The following PLS3 variants were observed in gnomAD, a reference collection of about 807,000 sequenced individuals.
The protein encoded by PLS3 is plastin-3.
PLS3 carries 11 observed loss-of-function variants against 46.5 expected under a neutral mutation model. The observed-to-expected ratio is 0.24, with a 90% confidence interval of 0.15 to 0.39. The LOEUF is 0.39. Among genes scored for constraint, PLS3 ranks in the 10% least tolerant of loss-of-function variants. The probability of loss-of-function intolerance (pLI) is 1.00; values close to 1 mark genes in which losing one functional copy is unlikely to be tolerated. For synonymous variants in PLS3, 167 were observed against 162.2 expected (o/e 1.03, Z -0.22); for missense variants, 308 against 461.8 (o/e 0.67, Z 3.05).
intron 2 of PLS3, chrX:115,610,653 C>T: frequency 3.3e-6 from 1 of 303,409 alleles, no homozygotes. Context: ...TATTTTGTAT[C>T]TCATATCTTT....
intron 1 of PLS3, among the ~76,000 whole-genome samples, chrX:115,579,687 C>T (rs1351285290): frequency 9.0e-6 from 1 of 111,637 alleles, no homozygotes; most frequent in African/African-American, 3.3e-5. Context: ...CACTTATTTC[C>T]CATCTGTTTG....
intron 1 of PLS3, among the ~76,000 whole-genome samples, chrX:115,609,721 CAT>C (rs782221805): frequency 2.2e-4 from 25 of 112,450 alleles, no homozygotes; most frequent in Non-Finnish European, 4.1e-4. Flanking sequence ...TATTAGCACA[CAT>C]GTGCATTTTT....
intron 4 of PLS3, 23 bp downstream of exon 4, chrX:115,629,350 G>A: frequency 8.5e-7 from 1 of 1,171,590 alleles, no homozygotes; most frequent in South Asian, 1.9e-5. Flanking sequence ...TATGCAATAG[G>A]TTAACACAAT....
intron 1 of PLS3, among the ~76,000 whole-genome samples, chrX:115,580,219 AG>A (rs2074272605): frequency 8.9e-6 from 1 of 112,256 alleles, no homozygotes; most frequent in Admixed American, 9.5e-5. Flanking sequence ...CCACTTTATC[AG>A]TATTTCCTTT....
rs1556639939 is a variant in PLS3 at position 115,634,869 on chromosome X, G to A, written c.583-12G>A. ...GGTCAAGAAGCAAGTGTGTAATTTG[G>A]CTGTCTTGCAGGAAAACTTGAACTT... On this transcript the variant is annotated splice_polypyrimidine_tract_variant and intron_variant, in intron 6 of 15. Coordinates refer to ENST00000355899, the MANE Select transcript of PLS3 (RefSeq NM_005032.7). 1 of 1,196,928 alleles carries A rather than the reference G, an allele frequency of 8.4e-7. No homozygotes were observed. The highest frequency in any genetic ancestry group is 1.1e-6 in the Non-Finnish European group (1 of 887,186).
At chrX:115,612,192 A>C (rs1246244531) in intron 2 of PLS3, among the ~76,000 whole-genome samples, 1 of 111,603 alleles carries the variant, frequency 9.0e-6, no homozygotes, top group Non-Finnish European at 1.9e-5. Context: ...GTCATTATCA[A>C]CCATACATTC....
chrX:115,606,509 G>T (rs782688401), intron 1 of PLS3, among the ~76,000 whole-genome samples: 1 of 110,813 alleles, frequency 9.0e-6, no homozygotes, highest in East Asian at 2.8e-4. Flanking sequence ...TGTTTTAGTT[G>T]TTTTTTACCC....
intron 1 of PLS3, among the ~76,000 whole-genome samples, chrX:115,590,058 G>A (rs113011120): frequency 4.5e-5 from 5 of 111,123 alleles, no homozygotes; most frequent in East Asian, 2.9e-4. Context: ...GTTTCACCAC[G>A]TTGGCCAGGC....
chrX:115,574,726 T>C (rs2074237668), intron 1 of PLS3, among the ~76,000 whole-genome samples: 1 of 111,273 alleles, frequency 9.0e-6, no homozygotes, highest in Non-Finnish European at 1.9e-5. Flanking sequence ...ATTACAGGCA[T>C]GTGCCACCAC....
In PLS3 at chrX:115,637,130, A is replaced by G. The variant is rs977134020; in HGVS notation, c.891+152A>G. Reference sequence around the variant, plus strand: ...GATTTTAGAAGAGTAATAGAGCCAGATAAGGTACATTAGCACCTATGTTTT... The same window carrying G: ...GATTTTAGAAGAGTAATAGAGCCAGGTAAGGTACATTAGCACCTATGTTTT... On this transcript the variant is annotated intron_variant, in intron 8 of 15. Coordinates refer to ENST00000355899, the MANE Select transcript of PLS3 (RefSeq NM_005032.7). The G allele has an allele frequency of 8.6e-5, 42 of 489,597 alleles. No individual in the cohort carries two copies. In the African/African-American group the frequency reaches 9.5e-4, roughly 11 times the overall value. 40.3% of individuals were successfully genotyped at this position (489,597 alleles called of 1,213,427 possible).
chrX:115,605,143 T>G (rs960153750), intron 1 of PLS3, among the ~76,000 whole-genome samples: 4 of 112,080 alleles, frequency 3.6e-5, no homozygotes, highest in Admixed American at 9.5e-5. Flanking sequence ...TGGGTTTATT[T>G]AAATTGGAAA....
chrX:115,645,464 C>A (rs2074941672), intron 11 of PLS3, among the ~76,000 whole-genome samples: 1 of 109,618 alleles, frequency 9.1e-6, no homozygotes, highest in Non-Finnish European at 1.9e-5. Flanking sequence ...AAAGTGAGAT[C>A]CTATCTCTAA....
At chrX:115,590,268 C>T (rs1411120178) in intron 1 of PLS3, among the ~76,000 whole-genome samples, 2 of 111,286 alleles carry the variant, frequency 1.8e-5, no homozygotes, top group Non-Finnish European at 3.8e-5. Flanking sequence ...ATTTGGGATG[C>T]AATTTAAAAG....
chrX:115,630,886 TG>T (rs1556639277), intron 5 of PLS3, among the ~76,000 whole-genome samples: 13 of 95,857 alleles, frequency 1.4e-4, no homozygotes, highest in African/African-American at 5.0e-4. Flanking sequence ...TGTATATATA[TG>T]TATAATATAT....
chrX:115,596,243 T>C (rs2074387446), intron 1 of PLS3, among the ~76,000 whole-genome samples: 2 of 111,553 alleles, frequency 1.8e-5, no homozygotes, highest in Admixed American at 1.9e-4. Context: ...TCCAATAGAG[T>C]ATGTGTTTTT....
chrX:115,568,650 C>T (rs1469480152), intron 1 of PLS3, among the ~76,000 whole-genome samples: 2 of 111,915 alleles, frequency 1.8e-5, no homozygotes, highest in Admixed American at 9.5e-5. Context: ...TTAGAAGTCA[C>T]CAAGAATGTT....
Position 115,649,571 on chromosome X carries a change from T to C in PLS3, c.*10T>C, listed in dbSNP as rs781916707. On this transcript the variant is annotated 3_prime_UTR_variant, in exon 16 of 16. Coordinates refer to ENST00000355899, the MANE Select transcript of PLS3 (RefSeq NM_005032.7). ...AATGAAGAGAGTGTAAAATAACCAATCTGAATAAAACAGCCATGCTCCCAG... is the reference window on the plus strand; with the variant it reads ...AATGAAGAGAGTGTAAAATAACCAACCTGAATAAAACAGCCATGCTCCCAG... 21 of 1,199,715 alleles carry C rather than the reference T, an allele frequency of 1.8e-5. No homozygotes were observed. The African/African-American group carries it at 2.1e-4, about 12-fold the overall frequency.
chrX:115,586,895 T>G (rs1214485725), intron 1 of PLS3, among the ~76,000 whole-genome samples: 1 of 111,810 alleles, frequency 8.9e-6, no homozygotes, highest in Non-Finnish European at 1.9e-5. Context: ...AGATATGTAA[T>G]TTTGTTAATT....
intron 7 of PLS3, 40 bp from the exon 8 acceptor site, chrX:115,636,796 G>A (rs2074841540): frequency 8.7e-7 from 1 of 1,149,183 alleles, no homozygotes; most frequent in Non-Finnish European, 1.2e-6. Context: ...CCATTATTGT[G>A]TCATATAATA....
Sources: gnomAD v4.1 joint callset for allele counts (sites outside exome capture counted in the v4.1 genomes callset) on GRCh38, gnomAD v4.1.1 for gene constraint, MANE v1.5 for transcripts, NCBI Gene and HGNC (gene_info 2026-07-23, HGNC 2026-07-21) for gene names.